PCDHGB5: variants seen among roughly 807,000 people sequenced by gnomAD.
PCDHGB5 encodes the protein protocadherin gamma subfamily B, 5.
Under a neutral mutation model 62.9 loss-of-function variants are expected in PCDHGB5, and 48 were observed. The observed-to-expected ratio is 0.76, with a 90% CI of 0.61 to 0.97. The LOEUF (loss-of-function observed/expected upper bound fraction) is 0.97. Among genes scored for constraint, PCDHGB5 ranks in the 50% least tolerant of loss-of-function variants. The pLI is 0.00. For missense variants in PCDHGB5, 1,118 were observed against 1,198.6 expected (o/e 0.93, Z 0.99); for synonymous variants, 474 against 511.2 (o/e 0.93, Z 0.98).
rs575250872 is a variant in PCDHGB5, at chr5:141,490,163, T to C, written c.2398-4644T>C. ...GGGGCAATCCATGTGTTGGGTCCCA[T>C]AGACTTTGAGGAGTCACGTTTCTAT... On this transcript the variant is annotated intron_variant, in intron 1 of 3. Transcript: ENST00000617380. This position sits in a 1 kb window ranked among gnomAD's most constrained non-coding sequence, Gnocchi z 5.4. 2 of 1,614,234 alleles carry C rather than the reference T, an allele frequency of 1.2e-6. No homozygotes were observed. The highest frequency in any genetic ancestry group is 2.2e-5 in the East Asian group (1 of 44,886).
intron 1 of PCDHGB5, among the ~76,000 whole-genome samples, chr5:141,406,686 T>G (rs918855962): frequency 1.3e-5 from 2 of 152,244 alleles, no homozygotes; most frequent in African/African-American, 4.8e-5. Flanking sequence ...TAGGACATTC[T>G]TCTTTTCTAT....
At position 141,489,077 on chromosome 5, in the gene PCDHGB5, C is replaced by T. The variant is rs957205894; in HGVS notation, c.2398-5730C>T. 7 of 325,682 alleles carry T rather than the reference C, an allele frequency of 2.1e-5. 1 individual carries two copies. Among genetic ancestry groups the T allele is most frequent in the South Asian group, 1.5e-4 (3 of 20,214 alleles). 20.2% of individuals were successfully genotyped at this position (325,682 alleles called of 1,614,324 possible). The stretch of plus-strand genomic sequence containing the variant: ...AGCTCCCCTCCCCCCTGCCCACCCC[C>T]GCCACTCGGTGACTAAGAACTGCTG... On this transcript the variant is annotated intron_variant, in intron 1 of 3. Transcript: ENST00000617380. This position sits in a 1 kb window ranked among gnomAD's most constrained non-coding sequence, Gnocchi z 4.5.
At chr5:141,405,403 T>A (rs1430892971) in intron 1 of PCDHGB5, 2 of 1,586,108 alleles carry the variant, frequency 1.3e-6, no homozygotes, top group Non-Finnish European at 1.7e-6. Flanking sequence ...TCTTTCTTTC[T>A]TTTCTTTTTT....
chr5:141,448,496 G>A (rs1277705943), intron 1 of PCDHGB5, among the ~76,000 whole-genome samples: 1 of 152,024 alleles, frequency 6.6e-6, no homozygotes, highest in Non-Finnish European at 1.5e-5. Flanking sequence ...GTCCCCTGTA[G>A]GTAAACATTT....
chr5:141,494,198 C>T (rs1383940298), intron 1 of PCDHGB5, among the ~76,000 whole-genome samples: 8 of 152,158 alleles, frequency 5.3e-5, no homozygotes, highest in African/African-American at 1.7e-4. Context: ...TTGGATGCCC[C>T]GCAAAGGCCC....
chr5:141,428,091 T>A lies in PCDHGB5; in HGVS notation c.2397+27567T>A, dbSNP rs769710543. 1.1e-5 allele frequency: 17 copies of A among 1,609,000 alleles called. No homozygotes were observed. In the African/African-American group the frequency reaches 1.5e-4, roughly 14 times the overall value. On this transcript the variant is annotated intron_variant, in intron 1 of 3. Transcript: ENST00000617380. ...AGATTCGGGACACAACGCTTGGCTGTCCTACCACGTGCTGCAGGCCATCGA... is the reference window on the plus strand; with the variant it reads ...AGATTCGGGACACAACGCTTGGCTGACCTACCACGTGCTGCAGGCCATCGA...
At position 141,399,692 on chromosome 5, in the gene PCDHGB5, G is replaced by A. The variant is rs780007896; in HGVS notation, c.1565G>A (p.Arg522His). ...AQRAFDYEQL[R>H]TFELTLQARD... Reference sequence around the variant, plus strand: ...CGCGCCTTTGACTACGAGCAGCTGCGCACCTTCGAACTCACACTACAGGCC... The same window carrying A: ...CGCGCCTTTGACTACGAGCAGCTGCACACCTTCGAACTCACACTACAGGCC... The change falls in exon 1 of 4, where the codon CGC (arginine) becomes CAC (histidine). Residue 522 changes from arginine to histidine, a missense_variant. Arg to His is a conservative substitution (Grantham distance 29). This residue lies in a region of PCDHGB5 where 1,034 missense variants were observed against 1,029.1 expected (regional missense o/e 1.00). Coordinates refer to ENST00000617380, the MANE Select transcript of PCDHGB5 (RefSeq NM_018925.3). The A allele has an allele frequency of 1.2e-6, 2 of 1,613,318 alleles. No individual in the cohort carries two copies. The highest frequency in any genetic ancestry group is 1.7e-4 in the Middle Eastern group (1 of 5,824).
chr5:141,496,126 C>T (rs934132550), intron 2 of PCDHGB5, among the ~76,000 whole-genome samples: 2 of 152,062 alleles, frequency 1.3e-5, no homozygotes, highest in African/African-American at 4.8e-5. Context: ...CCCTGCCCCT[C>T]ACACACTGAG....
chr5:141,461,667 G>C (rs1337688159), intron 1 of PCDHGB5, among the ~76,000 whole-genome samples: 4 of 151,994 alleles, frequency 2.6e-5, no homozygotes, highest in African/African-American at 9.7e-5. Context: ...TTTAAAGTTT[G>C]TTATTTTGTT....
At chr5:141,435,995 A>C (rs1033174115) in intron 1 of PCDHGB5, among the ~76,000 whole-genome samples, 2 of 152,144 alleles carry the variant, frequency 1.3e-5, no homozygotes, top group African/African-American at 4.8e-5. Context: ...TGATTTTTTG[A>C]AAGAAAGTAT....
chr5:141,500,216 ATT>A (rs1562194139), intron 2 of PCDHGB5, among the ~76,000 whole-genome samples: 8 of 149,244 alleles, frequency 5.4e-5, no homozygotes, highest in African/African-American at 2.0e-4. Flanking sequence ...TTATTTATTT[ATT>A]TATTTATTGA....
chr5:141,449,588 CAAAAAA>C (rs768743917), intron 1 of PCDHGB5, among the ~76,000 whole-genome samples: 1 of 57,492 alleles, frequency 1.7e-5, no homozygotes, highest in Admixed American at 1.8e-4. Flanking sequence ...GACTCTGTCT[CAAAAAA>C]AAAAAAAAAA....
In PCDHGB5 at chr5:141,450,548, G is replaced by A. The variant is rs186010209; in HGVS notation, c.2398-44259G>A. 3.3e-4 allele frequency among the ~76,000 whole-genome samples: 50 copies of A among 151,716 alleles called. 1 individual carries two copies. Among genetic ancestry groups the A allele is most frequent in the African/African-American group, 9.9e-4 (41 of 41,366 alleles). On this transcript the variant is annotated intron_variant, in intron 1 of 3. Transcript: ENST00000617380. ...GTCACCCAGGCTGGAATGCAGTGGC[G>A]CAGTCTCGGCTCACTGCAACTTCTG... is the stretch of plus-strand genomic sequence containing the variant.
rs371079504 is a variant in PCDHGB5, at chr5:141,422,041, G to C, written c.2397+21517G>C. 9 of 1,611,514 alleles carry C rather than the reference G, an allele frequency of 5.6e-6. No homozygotes were observed. The highest frequency in any genetic ancestry group is 5.9e-6 in the Non-Finnish European group (7 of 1,179,230). On this transcript the variant is annotated intron_variant, in intron 1 of 3. Transcript: ENST00000617380. ...GATGGTTAATGCAACGGATCCAGAC[G>C]AGGGAATCAACGGGGAAGTAATGTA...
At position 141,477,115 on chromosome 5, in the gene PCDHGB5, A is replaced by T. The variant is rs1218111107; in HGVS notation, c.2398-17692A>T. On this transcript the variant is annotated intron_variant, in intron 1 of 3. Coordinates refer to ENST00000617380, the MANE Select transcript of PCDHGB5 (RefSeq NM_018925.3). The surrounding 1 kb of genome is among the most constrained non-coding windows in gnomAD (Gnocchi z 4.9). Reference sequence around the variant, plus strand: ...AAGACAAGGGCGCCAATCCCGAAGGAGCACATTGCAAAGTGTTGGTGGAGG... The same window carrying T: ...AAGACAAGGGCGCCAATCCCGAAGGTGCACATTGCAAAGTGTTGGTGGAGG... The T allele has an allele frequency of 6.2e-7, 1 of 1,614,230 alleles. No individual in the cohort carries two copies. Among genetic ancestry groups the T allele is most frequent in the Non-Finnish European group, 8.5e-7 (1 of 1,180,038 alleles).
chr5:141,406,288 G>A (rs72790038), intron 1 of PCDHGB5, among the ~76,000 whole-genome samples: 9,719 of 151,928 alleles, frequency 0.064, 366 homozygotes, highest in African/African-American at 0.1. Context: ...CCAAAGCACT[G>A]GGTGAGGTGT....
chr5:141,445,389 C>T (rs1484183450), intron 1 of PCDHGB5, among the ~76,000 whole-genome samples: 1 of 152,174 alleles, frequency 6.6e-6, no homozygotes, highest in Non-Finnish European at 1.5e-5. Flanking sequence ...CATTCATTTA[C>T]ATAACAAATA....
chr5:141,412,893 A>C (rs1190008207), intron 1 of PCDHGB5: 6 of 340,884 alleles, frequency 1.8e-5, no homozygotes, highest in Non-Finnish European at 2.6e-5. Flanking sequence ...AGAATAGTTT[A>C]CTTTCCATTG....
chr5:141,452,148 T>C (rs1294195346), intron 1 of PCDHGB5, among the ~76,000 whole-genome samples: 1 of 152,228 alleles, frequency 6.6e-6, no homozygotes, highest in Non-Finnish European at 1.5e-5. Flanking sequence ...TTTTTTCCAA[T>C]GAGTTATATT....
Sources: gnomAD v4.1 joint callset for allele counts (sites outside exome capture counted in the v4.1 genomes callset) on GRCh38, gnomAD v4.1.1 for gene constraint, gnomAD v4.1.1 regional missense constraint, Gnocchi (gnomAD v3.1) non-coding constraint, MANE v1.5 for transcripts, NCBI Gene and HGNC (gene_info 2026-07-23, HGNC 2026-07-21) for gene names.